The following RC3H1 variants were observed in gnomAD, a reference collection of about 807,000 sequenced individuals.
The protein encoded by RC3H1 is ring finger and CCCH-type domains 1, also known as roquin-1.
In RC3H1, 50 loss-of-function variants were observed where a neutral mutation model predicts 138.2. That is an observed-to-expected ratio of 0.36 (90% confidence interval 0.29 to 0.46). RC3H1 has a LOEUF of 0.46. Ranked by LOEUF, RC3H1 falls within the 20% of genes least tolerant of loss-of-function variation. RC3H1 has a pLI of 1.00. For missense variants in RC3H1, 1,031 were observed against 1,388.1 expected (o/e 0.74, Z 4.09); for synonymous variants, 462 against 489.1 (o/e 0.94, Z 0.73).
chr1:173,946,487 G>C lies in RC3H1; in HGVS notation c.2950C>G (p.Arg984Gly). Residue 984 changes from arginine to glycine, a missense_variant, in exon 17 of 20, where the codon CGT (arginine) becomes GGT (glycine). This residue lies in a region of RC3H1 where 716 missense variants were observed against 837.9 expected (regional missense o/e 0.85). Transcript: ENST00000367696. ...CTCTAGGCTGGTACCTCTAGTCCAC[G>C]TAGCTGGGTCTGCTGGCTAATCTGA... is the stretch of plus-strand genomic sequence containing the variant. ...NHQISQQTQL[R>G]GLEAVSNRLV... 1.2e-6 allele frequency: 2 copies of C among 1,613,976 alleles called. No individual in the cohort carries two copies.
chr1:174,006,756 G>A (rs1178380776), intron 1 of RC3H1, among the ~76,000 whole-genome samples: 1 of 152,104 alleles, frequency 6.6e-6, no homozygotes, highest in East Asian at 1.9e-4. Flanking sequence ...AGCAACTACT[G>A]TATTCCTTTT....
At chr1:173,972,208 A>C (rs547819527) in intron 8 of RC3H1, among the ~76,000 whole-genome samples, 4 of 152,290 alleles carry the variant, frequency 2.6e-5, no homozygotes, top group African/African-American at 9.6e-5. Flanking sequence ...AATGGAATAA[A>C]CTTCAGCACT....
At chr1:173,981,086 G>T in intron 5 of RC3H1, 77 bp from the exon 6 acceptor site, 1 of 1,252,480 alleles carries the variant, frequency 8.0e-7, no homozygotes, top group Non-Finnish European at 1.1e-6. Context: ...AATTTTTAAT[G>T]TAACAAATTT....
intron 5 of RC3H1, among the ~76,000 whole-genome samples, chr1:173,981,762 C>T (rs991492199): frequency 2.0e-5 from 3 of 152,040 alleles, no homozygotes; most frequent in East Asian, 3.9e-4. Context: ...GTGTGAGATG[C>T]TAGACTAGAA....
chr1:173,976,179 G>A (rs1660572437), intron 7 of RC3H1, among the ~76,000 whole-genome samples: 1 of 152,074 alleles, frequency 6.6e-6, no homozygotes, highest in African/African-American at 2.4e-5. Flanking sequence ...GCTCATGCCT[G>A]TAATCCTAGC....
intron 9 of RC3H1, among the ~76,000 whole-genome samples, chr1:173,966,451 C>T (rs907618487): frequency 2.0e-5 from 3 of 152,292 alleles, no homozygotes; most frequent in Admixed American, 1.3e-4. Flanking sequence ...CGCGGTGGCT[C>T]ATACCTGTAA....
chr1:173,931,234 T>C lies in RC3H1; in HGVS notation c.*7487A>G, dbSNP rs1482768878. On this transcript the variant is annotated 3_prime_UTR_variant, in exon 20 of 20. Coordinates refer to ENST00000367696, the MANE Select transcript of RC3H1 (RefSeq NM_172071.4). ...ACACGTTCCTCATTAATTTATCATT[T>C]AATATAAATGCTGACAGAAAGCAGA... The C allele has an allele frequency of 6.6e-6, 1 of 152,254 alleles. No individual in the cohort carries two copies. The highest frequency in any genetic ancestry group is 2.4e-5 in the African/African-American group (1 of 41,464). The allele number at this position is 152,254 out of a possible 1,614,324, so 9.4% of individuals were successfully genotyped here.
At chr1:173,981,809 G>A (rs368540741) in intron 5 of RC3H1, among the ~76,000 whole-genome samples, 23 of 152,166 alleles carry the variant, frequency 1.5e-4, no homozygotes, top group Non-Finnish European at 2.2e-4. Context: ...CTGGAGGCAG[G>A]AGAATTGCTT....
At chr1:174,007,313 C>G (rs1230595305) in intron 1 of RC3H1, among the ~76,000 whole-genome samples, 1 of 151,444 alleles carries the variant, frequency 6.6e-6, no homozygotes, top group African/African-American at 2.4e-5. Flanking sequence ...TGGCGTGAAC[C>G]CGGGAGGCGG....
intron 14 of RC3H1, among the ~76,000 whole-genome samples, chr1:173,948,437 G>GTA (rs1018540265): frequency 9.9e-5 from 15 of 151,230 alleles, no homozygotes; most frequent in African/African-American, 2.9e-4. Flanking sequence ...TAATGACCTA[G>GTA]TATATATATA....
intron 13 of RC3H1, among the ~76,000 whole-genome samples, chr1:173,952,589 AATTTTGATTTTTATAGTACATGATGATGT>A (rs1231367283): frequency 6.6e-6 from 1 of 152,082 alleles, no homozygotes; most frequent in East Asian, 1.9e-4. Flanking sequence ...GAACATTAAA[AATTTTGATTTTTATAGTACATGATGATGT>A]AGTAACTTTT....
At chr1:173,994,559 G>C (rs1661415352) in intron 1 of RC3H1, among the ~76,000 whole-genome samples, 1 of 152,080 alleles carries the variant, frequency 6.6e-6, no homozygotes, top group African/African-American at 2.4e-5. Context: ...AGCACTTTCA[G>C]AGGCTGAGAT....
intron 5 of RC3H1, among the ~76,000 whole-genome samples, chr1:173,981,779 T>C (rs1444009200): frequency 1.3e-5 from 2 of 152,060 alleles, no homozygotes; most frequent in Non-Finnish European, 2.9e-5. Context: ...AGAATAATCA[T>C]AATGATTATG....
chr1:174,021,490 G>T (rs201012922), intron 1 of RC3H1, among the ~76,000 whole-genome samples: 34 of 144,454 alleles, frequency 2.4e-4, no homozygotes, highest in East Asian at 2.0e-3. Flanking sequence ...TAAGTTTTTT[G>T]TTTTTTTTTT....
At chr1:174,014,278 G>A (rs1017487204) in intron 1 of RC3H1, among the ~76,000 whole-genome samples, 2 of 152,076 alleles carry the variant, frequency 1.3e-5, no homozygotes, top group Admixed American at 1.3e-4. Flanking sequence ...ACTAATGCAA[G>A]ATACTAACAG....
chr1:173,970,736 T>G, intron 8 of RC3H1, 119 bp from the exon 9 acceptor site: 1 of 595,408 alleles, frequency 1.7e-6, no homozygotes, highest in South Asian at 2.5e-5. Context: ...TTATTTAGAT[T>G]ACCAAGAGCA....
chr1:173,988,584 A>C (rs1432858032), intron 2 of RC3H1, among the ~76,000 whole-genome samples: 2 of 152,376 alleles, frequency 1.3e-5, no homozygotes, highest in African/African-American at 4.8e-5. Context: ...TTTCAAGTTA[A>C]CTGGGTAAAT....
intron 7 of RC3H1, among the ~76,000 whole-genome samples, chr1:173,975,897 CAAAAAAAAAAAAAAAAA>C (rs71299434): frequency 4.7e-3 from 17 of 3,604 alleles, no homozygotes; most frequent in South Asian, 0.015. Flanking sequence ...GACTCCGTCT[CAAAAAAAAAAAAAAAAA>C]AAAAAAAAAA....
intron 1 of RC3H1, among the ~76,000 whole-genome samples, chr1:173,998,825 T>C (rs968178447): frequency 3.9e-5 from 6 of 152,248 alleles, no homozygotes; most frequent in African/African-American, 1.4e-4. Flanking sequence ...GGTGCTGTGG[T>C]TCACGCCTGC....
Sources: allele counts gnomAD v4.1 joint callset (sites outside exome capture counted in the v4.1 genomes callset), GRCh38; gene constraint gnomAD v4.1.1; regional missense constraint gnomAD v4.1.1; transcripts MANE v1.5; gene names NCBI Gene and HGNC (gene_info 2026-07-23, HGNC 2026-07-21).